ADAMTSL1: variants seen among roughly 807,000 people sequenced by gnomAD.
ADAMTSL1 encodes ADAMTS like 1.
In ADAMTSL1, 126 loss-of-function variants were observed where a neutral mutation model predicts 201.8. The ratio of observed to expected loss-of-function variants is 0.62; its 90% CI spans 0.54 to 0.72. The LOEUF is 0.72. Ranked by LOEUF, ADAMTSL1 falls within the 30% of genes least tolerant of loss-of-function variation. The probability of loss-of-function intolerance (pLI) is 0.00; values close to 1 mark genes in which losing one functional copy is unlikely to be tolerated. For synonymous variants in ADAMTSL1, 1,121 were observed against 903.4 expected (o/e 1.24, Z -4.32); for missense variants, 2,679 against 2,277.8 (o/e 1.18, Z -3.59).
chr9:18,529,417 G>T (rs945513740), intron 2 of ADAMTSL1, among the ~76,000 whole-genome samples: 1 of 152,056 alleles, frequency 6.6e-6, no homozygotes, highest in Non-Finnish European at 1.5e-5. Context: ...CTTATTGTTT[G>T]ATAGACTTAG....
chr9:17,943,239 G>T (rs1563910716), intron 1 of ADAMTSL1, among the ~76,000 whole-genome samples: 1 of 152,132 alleles, frequency 6.6e-6, no homozygotes, highest in Non-Finnish European at 1.5e-5. Flanking sequence ...ACTGAACCCA[G>T]CCTGCAATGT....
intron 1 of ADAMTSL1, among the ~76,000 whole-genome samples, chr9:18,116,480 C>A (rs1351409486): frequency 6.6e-6 from 1 of 152,120 alleles, no homozygotes; most frequent in Non-Finnish European, 1.5e-5. Flanking sequence ...TTACTTTGCA[C>A]ACATATTTGC....
At chr9:18,020,652 C>T (rs1170865996) in intron 1 of ADAMTSL1, among the ~76,000 whole-genome samples, 1 of 152,052 alleles carries the variant, frequency 6.6e-6, no homozygotes, top group East Asian at 1.9e-4. Flanking sequence ...CCAGGTCTCT[C>T]CCTAAACGCC....
intron 1 of ADAMTSL1, among the ~76,000 whole-genome samples, chr9:18,126,964 C>A (rs1375000548): frequency 1.3e-5 from 2 of 152,068 alleles, no homozygotes; most frequent in African/African-American, 4.8e-5. Context: ...TGCCTTCTGC[C>A]AGCCTGGGTG....
At position 18,447,643 on chromosome 9, in the gene ADAMTSL1, G is replaced by A. The variant is rs543147801; in HGVS notation, c.208-57186G>A. ...TCGCAATTATAAGTGTGTGTTTGGA[G>A]GCTTAGCAGGACATACACTGCTAAA... is the stretch of plus-strand genomic sequence containing the variant. On this transcript the variant is annotated intron_variant, in intron 2 of 29. Coordinates refer to the ADAMTSL1 transcript ENST00000680146. Among the ~76,000 whole-genome samples, 281 of 152,320 alleles carry A rather than the reference G, an allele frequency of 1.8e-3. 1 individual carries two copies. Among genetic ancestry groups the A allele is most frequent in the Admixed American group, 4.1e-3 (62 of 15,300 alleles).
intron 15 of ADAMTSL1, among the ~76,000 whole-genome samples, chr9:18,728,681 A>G (rs1019968017): frequency 6.6e-6 from 1 of 152,214 alleles, no homozygotes; most frequent in Non-Finnish European, 1.5e-5. Flanking sequence ...CCTATGCTGA[A>G]TGGTAAGGCC....
At chr9:18,890,729 C>CCA (rs1486509691) in intron 25 of ADAMTSL1, 7 of 356,204 alleles carry the variant, frequency 2.0e-5, no homozygotes, top group Admixed American at 3.7e-5. Flanking sequence ...AAACCCCCCC[C>CCA]ACCCCAGCTC....
At chr9:18,442,864 C>T (rs1820051319) in intron 2 of ADAMTSL1, among the ~76,000 whole-genome samples, 1 of 152,164 alleles carries the variant, frequency 6.6e-6, no homozygotes, top group African/African-American at 2.4e-5. Flanking sequence ...GAGAGCAGGG[C>T]TAAGGAAAAG....
intron 2 of ADAMTSL1, among the ~76,000 whole-genome samples, chr9:18,239,710 C>T (rs1412367131): frequency 8.6e-5 from 13 of 151,628 alleles, no homozygotes; most frequent in African/African-American, 1.9e-4. Flanking sequence ...ATCATGCCAC[C>T]GCACTCCAGC....
intron 2 of ADAMTSL1, among the ~76,000 whole-genome samples, chr9:18,313,443 A>T (rs1286550181): frequency 6.6e-6 from 1 of 152,174 alleles, no homozygotes; most frequent in Admixed American, 6.5e-5. Context: ...AACTTTGGAC[A>T]CACATTAGAA....
At chr9:18,591,124 G>T (rs1013627007) in intron 4 of ADAMTSL1, among the ~76,000 whole-genome samples, 1 of 151,996 alleles carries the variant, frequency 6.6e-6, no homozygotes, top group Admixed American at 6.6e-5. Context: ...TAAAAGTGGG[G>T]TGCCCTACTA....
intron 2 of ADAMTSL1, among the ~76,000 whole-genome samples, chr9:18,233,998 T>G (rs1041736971): frequency 1.2e-4 from 19 of 152,312 alleles, no homozygotes; most frequent in Admixed American, 2.6e-4. Flanking sequence ...AGCACTTGAC[T>G]GTGGGAGGCA....
At chr9:18,018,032 T>C (rs2131576182) in intron 1 of ADAMTSL1, among the ~76,000 whole-genome samples, 1 of 152,228 alleles carries the variant, frequency 6.6e-6, no homozygotes, top group Admixed American at 6.6e-5. Flanking sequence ...TGACCTCTTT[T>C]GGTACAGCTC....
intron 2 of ADAMTSL1, among the ~76,000 whole-genome samples, chr9:18,199,891 A>T (rs191226376): frequency 1.4e-4 from 22 of 151,800 alleles, no homozygotes; most frequent in African/African-American, 4.1e-4. Context: ...AACTTGCTAA[A>T]TTTTTTTTCC....
At chr9:18,231,066 C>T (rs773888454) in intron 2 of ADAMTSL1, among the ~76,000 whole-genome samples, 12 of 152,144 alleles carry the variant, frequency 7.9e-5, no homozygotes, top group African/African-American at 1.7e-4. Flanking sequence ...TCATACTGGA[C>T]GTCCCAATAC....
intron 15 of ADAMTSL1, among the ~76,000 whole-genome samples, chr9:18,749,718 A>G (rs957863790): frequency 6.6e-6 from 1 of 152,210 alleles, no homozygotes; most frequent in African/African-American, 2.4e-5. Flanking sequence ...GAAGTAGGGA[A>G]GAGTCTCTGC....
At position 18,766,931 on chromosome 9, in the gene ADAMTSL1, T is replaced by C. The variant is rs954780176; in HGVS notation, c.2218-3671T>C. Among the ~76,000 whole-genome samples the C allele has an allele frequency of 4.6e-5, 7 of 152,336 alleles. No homozygotes were observed. In the South Asian group the frequency reaches 1.4e-3, roughly 32 times the overall value. On this transcript the variant is annotated intron_variant, in intron 16 of 28. Coordinates refer to ENST00000380548, the MANE Select transcript of ADAMTSL1 (RefSeq NM_001040272.6). ...AGGCAAGAGATGATGGATTATGGTA[T>C]GCTGATTTCTTATTTATTTTAGAAG...
At chr9:18,735,743 T>TTTTTC (rs1564192110) in intron 15 of ADAMTSL1, among the ~76,000 whole-genome samples, 3 of 128,716 alleles carry the variant, frequency 2.3e-5, no homozygotes, top group Admixed American at 8.0e-5. Context: ...ACGGCATTCT[T>TTTTTC]TTTTCTTTTT....
At chr9:18,679,892 A>C (rs1318910842) in intron 10 of ADAMTSL1, among the ~76,000 whole-genome samples, 3 of 152,246 alleles carry the variant, frequency 2.0e-5, no homozygotes. Context: ...AAGTATCTGC[A>C]GGTGCAAACC....
Sources: allele counts gnomAD v4.1 joint callset (sites outside exome capture counted in the v4.1 genomes callset), GRCh38; gene constraint gnomAD v4.1.1; transcripts MANE v1.5; gene names NCBI Gene and HGNC (gene_info 2026-07-23, HGNC 2026-07-21).